Variants in ERCC6L2 observed in about 807,000 individuals in gnomAD.
ERCC6L2 encodes DNA excision repair protein ERCC-6-like 2.
In ERCC6L2, 77 loss-of-function variants were observed where a neutral mutation model predicts 132.0. That is an observed-to-expected ratio of 0.58 (90% CI 0.49 to 0.71). The LOEUF is 0.71. ERCC6L2 is among the 30% of genes least tolerant of loss of function. The probability of loss-of-function intolerance (pLI) is 0.00; values close to 1 mark genes in which losing one functional copy is unlikely to be tolerated. For synonymous variants in ERCC6L2, 583 were observed against 632.4 expected (o/e 0.92, Z 1.17); for missense variants, 1,542 against 1,837.6 (o/e 0.84, Z 2.94).
At chr9:95,902,529 C>T (rs570932644) in intron 3 of ERCC6L2, among the ~76,000 whole-genome samples, 2 of 152,042 alleles carry the variant, frequency 1.3e-5, no homozygotes, top group East Asian at 3.9e-4. Flanking sequence ...ATGATGCTAC[C>T]GTGAGCATCC....
intron 2 of ERCC6L2, among the ~76,000 whole-genome samples, chr9:95,882,132 A>G (rs1020186359): frequency 1.3e-5 from 2 of 152,204 alleles, no homozygotes; most frequent in Non-Finnish European, 2.9e-5. Flanking sequence ...TTCATGGGGC[A>G]TCTCACACAA....
rs373193690 is a variant in ERCC6L2 at position 96,013,826 on chromosome 9, T to C, written c.*623T>C. 2.0e-5 allele frequency: 3 copies of C among 152,238 alleles called. No individual in the cohort carries two copies. The highest frequency in any genetic ancestry group is 6.5e-5 in the Admixed American group (1 of 15,276). The allele number at this position is 152,238 out of a possible 1,614,324, so 9.4% of individuals were successfully genotyped here. ...GCTCAAAATTAAAAGGTTAATGTTA[T>C]ACACTTTACTATATGAGCTGTGATT... On this transcript the variant is annotated 3_prime_UTR_variant, in exon 19 of 19. Transcript: ENST00000653738.
intron 2 of ERCC6L2, among the ~76,000 whole-genome samples, chr9:95,888,842 T>C (rs1284582596): frequency 6.6e-6 from 1 of 152,236 alleles, no homozygotes; most frequent in African/African-American, 2.4e-5. Flanking sequence ...AACTGTCTTT[T>C]GTGTATTGAC....
At chr9:95,986,856 C>T (rs901562451) in intron 17 of ERCC6L2, among the ~76,000 whole-genome samples, 1 of 152,096 alleles carries the variant, frequency 6.6e-6, no homozygotes, top group South Asian at 2.1e-4. Context: ...TAAAGACACA[C>T]CAGAGACTGG....
At chr9:95,935,532 A>T (rs1291262898) in intron 11 of ERCC6L2, among the ~76,000 whole-genome samples, 4 of 152,206 alleles carry the variant, frequency 2.6e-5, no homozygotes, top group Non-Finnish European at 5.9e-5. Flanking sequence ...AACATGTAAA[A>T]GGATAGTTCA....
At chr9:95,929,905 T>G (rs1035373054) in intron 11 of ERCC6L2, among the ~76,000 whole-genome samples, 1 of 152,202 alleles carries the variant, frequency 6.6e-6, no homozygotes, top group African/African-American at 2.4e-5. Context: ...CTCTTATCCT[T>G]CTTCTGCTCA....
chr9:95,875,855 T>C lies in ERCC6L2; in HGVS notation c.-184T>C. ...CCCTCCCGTTCTGCTTGGGTCCCCT[T>C]AGTCGCTACCTTTGCTGGGATCCCC... On this transcript the variant is annotated 5_prime_UTR_variant, in exon 1 of 19. Coordinates refer to ENST00000653738, the MANE Select transcript of ERCC6L2 (RefSeq NM_020207.7). The C allele has an allele frequency of 1.6e-6, 1 of 620,066 alleles. No homozygotes were observed. Among genetic ancestry groups the C allele is most frequent in the Non-Finnish European group, 2.8e-6 (1 of 351,244 alleles). The allele number at this position is 620,066 out of a possible 1,614,324, so 38.4% of individuals were successfully genotyped here.
In ERCC6L2 at chr9:96,030,472, C is replaced by T. The variant is rs570133316; in HGVS notation, c.*1504-8404C>T. ...CAGCACTTTGGGAGGCCAAAGCAGGCGGATCACGATGTCAGGCGATCTAGA... is the reference window on the plus strand; with the variant it reads ...CAGCACTTTGGGAGGCCAAAGCAGGTGGATCACGATGTCAGGCGATCTAGA... On this transcript the variant is annotated intron_variant and NMD_transcript_variant, in intron 19 of 20. Coordinates refer to the ERCC6L2 transcript ENST00000670016. 1.6e-4 allele frequency among the ~76,000 whole-genome samples: 24 copies of T among 152,130 alleles called. No homozygotes were observed. In the South Asian group the frequency reaches 4.4e-3, roughly 28 times the overall value.
intron 19 of ERCC6L2, among the ~76,000 whole-genome samples, chr9:96,028,935 A>G (rs1336722619): frequency 2.0e-5 from 3 of 152,224 alleles, no homozygotes; most frequent in Non-Finnish European, 2.9e-5. Context: ...TACAATTTGA[A>G]CACAATGAGC....
rs538518834 is a variant in ERCC6L2, at chr9:96,027,959, C to T, written c.*1504-10917C>T. ...TGCAGTTCTCTGCGAGAGCCTAGGTCTGACTCTAACTCTGCCCTGGATTCT... is the reference window on the plus strand; with the variant it reads ...TGCAGTTCTCTGCGAGAGCCTAGGTTTGACTCTAACTCTGCCCTGGATTCT... On this transcript the variant is annotated intron_variant and NMD_transcript_variant, in intron 19 of 20. Coordinates refer to the ERCC6L2 transcript ENST00000670016. 2.6e-5 allele frequency: 4 copies of T among 152,374 alleles called. No individual in the cohort carries two copies. In the South Asian group the frequency reaches 6.2e-4, roughly 24 times the overall value. The allele number at this position is 152,374 out of a possible 1,614,324, so 9.4% of individuals were successfully genotyped here.
At chr9:95,971,340 C>T (rs1832404156) in intron 15 of ERCC6L2, among the ~76,000 whole-genome samples, 1 of 152,014 alleles carries the variant, frequency 6.6e-6, no homozygotes, top group Admixed American at 6.6e-5. Flanking sequence ...CTAGTAGAGC[C>T]TCAGTTTTAG....
At chr9:95,921,146 A>G (rs1446549708) in intron 6 of ERCC6L2, 29 bp from the exon 7 acceptor site, 1 of 1,578,002 alleles carries the variant, frequency 6.3e-7, no homozygotes, top group African/African-American at 1.4e-5. Context: ...ACAAAATACT[A>G]ATAACTACCT....
Position 95,972,022 on chromosome 9 carries a change from C to G in ERCC6L2, c.2271C>G (p.Phe757Leu), listed in dbSNP as rs1404857165. The change falls in exon 16 of 19, where the codon TTC becomes TTG. Residue 757 changes from phenylalanine (F) to leucine (L), a missense_variant. Around this residue, in one of 4 missense-constraint regions of ERCC6L2, gnomAD observed 945 missense variants for 1,105.2 expected, o/e 0.86. Transcript: ENST00000653738. ...AAGCATGTGATCTCTGCAGTGACTTCAGTGATGAAGAGCCAGTGGGAGCCA... is the reference window on the plus strand; with the variant it reads ...AAGCATGTGATCTCTGCAGTGACTTGAGTGATGAAGAGCCAGTGGGAGCCA... ...AKEACDLCSD[F>L]SDEEPVGATG... 7.7e-7 allele frequency: 1 copy of G among 1,304,054 alleles called. No individual in the cohort carries two copies. Among genetic ancestry groups the G allele is most frequent in the African/African-American group, 1.5e-5 (1 of 65,850 alleles). 80.8% of individuals were successfully genotyped at this position (1,304,054 alleles called of 1,614,324 possible).
At chr9:95,982,477 G>A (rs905687646) in intron 17 of ERCC6L2, among the ~76,000 whole-genome samples, 1 of 151,970 alleles carries the variant, frequency 6.6e-6, no homozygotes, top group Non-Finnish European at 1.5e-5. Context: ...CCATTATCCT[G>A]TTTTTCAGGA....
chr9:95,883,918 A>G (rs532400848), intron 2 of ERCC6L2, among the ~76,000 whole-genome samples: 1 of 152,352 alleles, frequency 6.6e-6, no homozygotes, highest in African/African-American at 2.4e-5. Flanking sequence ...TTTGGGAACC[A>G]CCATCCTGCA....
chr9:95,881,635 T>C (rs1453263031), intron 2 of ERCC6L2, among the ~76,000 whole-genome samples: 1 of 152,240 alleles, frequency 6.6e-6, no homozygotes, highest in African/African-American at 2.4e-5. Context: ...CTAACATTTG[T>C]TATGCCACAT....
At chr9:96,023,299 A>G (rs556860415), downstream of ERCC6L2, among the ~76,000 whole-genome samples, 3 of 152,246 alleles carry the variant, frequency 2.0e-5, no homozygotes, top group East Asian at 3.9e-4. Context: ...GCATTGACCT[A>G]TTATGTAATA....
intron 6 of ERCC6L2, chr9:95,918,600 C>CG: frequency 2.9e-6 from 1 of 345,486 alleles, no homozygotes; most frequent in South Asian, 2.6e-5. Flanking sequence ...TTTTACAAGT[C>CG]GGGGGGCCTA....
At chr9:96,002,364 C>T (rs1254441116) in intron 17 of ERCC6L2, among the ~76,000 whole-genome samples, 3 of 151,394 alleles carry the variant, frequency 2.0e-5, no homozygotes, top group Non-Finnish European at 4.4e-5. Flanking sequence ...TTGAAGATAT[C>T]CCATTTTCTT....
Sources: gnomAD v4.1 joint callset for allele counts (sites outside exome capture counted in the v4.1 genomes callset) on GRCh38, gnomAD v4.1.1 for gene constraint, gnomAD v4.1.1 regional missense constraint, MANE v1.5 for transcripts, NCBI Gene and HGNC (gene_info 2026-07-23, HGNC 2026-07-21) for gene names.